DNAH5: variants seen among roughly 807,000 people sequenced by gnomAD.
DNAH5 encodes axonemal beta dynein heavy chain 5.
A neutral mutation model predicts 518.2 loss-of-function variants in DNAH5; 372 were observed. That is an observed-to-expected ratio of 0.72 (90% CI 0.66 to 0.78). The LOEUF (loss-of-function observed/expected upper bound fraction) is 0.78. Among genes scored for constraint, DNAH5 ranks in the 30% least tolerant of loss-of-function variants. DNAH5 has a pLI of 0.00. For missense variants in DNAH5, 5,523 were observed against 5,687.0 expected, an observed-to-expected ratio of 0.97 and a Z score of 0.93; for synonymous variants, 2,039 against 2,025.9, an observed-to-expected ratio of 1.01 and a Z score of -0.17.
At chr5:13,860,293 G>A (rs540371167) in intron 29 of DNAH5, 2 of 152,496 alleles carry the variant, frequency 1.3e-5, no homozygotes, top group East Asian at 3.9e-4. Flanking sequence ...GAATTTCCCA[G>A]CTTCCCTTTG....
At chr5:13,864,268 G>A (rs1344731733) in intron 28 of DNAH5, 129 bp downstream of exon 28, 2 of 1,248,384 alleles carry the variant, frequency 1.6e-6, no homozygotes, top group East Asian at 2.3e-5. Context: ...GAAGGAACTA[G>A]TGGCTGAATG....
intron 65 of DNAH5, among the ~76,000 whole-genome samples, chr5:13,739,276 G>A (rs1001289788): frequency 6.6e-6 from 1 of 152,170 alleles, no homozygotes; most frequent in Non-Finnish European, 1.5e-5. Context: ...TAAAGGTAAT[G>A]GGGTCATGAG....
rs897446820 is a variant in DNAH5 at position 13,964,693 on chromosome 5, T to C, written c.13-33449A>G. Among the ~76,000 whole-genome samples the C allele has an allele frequency of 4.6e-5, 7 of 152,296 alleles. No individual in the cohort carries two copies. The East Asian group carries it at 1.3e-3, about 29-fold the overall frequency. ...ATGGCAGTGGCCATAGGGTTGGAGA[T>C]GAGACAGAACTGACAGAACCTGGTG... On this transcript the variant is annotated intron_variant, in intron 1 of 78. Coordinates refer to the DNAH5 transcript ENST00000681290.
At position 13,941,817 on chromosome 5, in the gene DNAH5, C is replaced by T. The variant is rs115382364; in HGVS notation, c.57+2565G>A. On this transcript the variant is annotated intron_variant, in intron 1 of 78. Coordinates refer to ENST00000265104, the MANE Select transcript of DNAH5 (RefSeq NM_001369.3). ...CACAAAACAGGAACAACACACATTCCGCTGCAGTGGGGAGAAGACTTTTCT... is the reference window on the plus strand; with the variant it reads ...CACAAAACAGGAACAACACACATTCTGCTGCAGTGGGGAGAAGACTTTTCT... Among the ~76,000 whole-genome samples the T allele has an allele frequency of 6.8e-3, 1,032 of 152,294 alleles. 4 individuals are homozygous for T. The highest frequency in any genetic ancestry group is 9.2e-3 in the Non-Finnish European group (626 of 68,018).
intron 1 of DNAH5, among the ~76,000 whole-genome samples, chr5:13,936,827 ACTC>A (rs1411162375): frequency 1.3e-5 from 2 of 152,140 alleles, no homozygotes; most frequent in Admixed American, 1.3e-4. Context: ...ACACAGATCT[ACTC>A]CACTGACCCC....
intron 74 of DNAH5, among the ~76,000 whole-genome samples, 169 bp from the exon 75 acceptor site, chr5:13,714,789 T>TA (rs1277343966): frequency 1.3e-5 from 2 of 152,156 alleles, no homozygotes; most frequent in Admixed American, 6.5e-5. Flanking sequence ...AAATTTCCTT[T>TA]AAAAAAACAA....
intron 1 of DNAH5, among the ~76,000 whole-genome samples, chr5:14,001,156 G>A (rs189716465): frequency 6.9e-4 from 105 of 152,318 alleles, no homozygotes; most frequent in South Asian, 4.1e-3. Flanking sequence ...GAGAGAGAAG[G>A]AGAGGACAAG....
At chr5:13,809,247 A>C in intron 45 of DNAH5, 61 bp from the exon 46 acceptor site, 1 of 1,590,424 alleles carries the variant, frequency 6.3e-7, no homozygotes, top group Non-Finnish European at 8.6e-7. Flanking sequence ...AACTGTAATG[A>C]GCAGACATCC....
intron 78 of DNAH5, among the ~76,000 whole-genome samples, chr5:13,698,029 T>A (rs1741596470): frequency 6.6e-6 from 1 of 152,230 alleles, no homozygotes; most frequent in South Asian, 2.1e-4. Context: ...TGAATTAATG[T>A]CATCATCATG....
At position 13,786,234 on chromosome 5, in the gene DNAH5, C is replaced by G. The variant is rs148539877; in HGVS notation, c.8765G>C (p.Arg2922Pro). 6.2e-7 allele frequency: 1 copy of G among 1,614,062 alleles called. No individual in the cohort carries two copies. Among genetic ancestry groups the G allele is most frequent in the Admixed American group, 1.7e-5 (1 of 59,994 alleles). Residue 2922 changes from arginine (R) to proline (P), a missense_variant, in exon 52 of 79, where the codon CGT (arginine) becomes CCT (proline). Transcript: ENST00000265104. ...GAACACCATGTCCATGCCGGCGCCACGGATGCTCTCATTATAGAGCTGCAG... is the reference window on the plus strand; with the variant it reads ...GAACACCATGTCCATGCCGGCGCCAGGGATGCTCTCATTATAGAGCTGCAG... ...MFLQLYNESIRGAGMDMVFFA... is the reference protein window; with the variant it reads ...MFLQLYNESIPGAGMDMVFFA...
At chr5:13,937,316 G>A (rs1315291596) in intron 1 of DNAH5, among the ~76,000 whole-genome samples, 1 of 150,364 alleles carries the variant, frequency 6.7e-6, no homozygotes, top group Non-Finnish European at 1.5e-5. Flanking sequence ...GTTGTAGATG[G>A]AGACCAGTTA....
In DNAH5 at chr5:13,923,415, T is replaced by C. The variant is rs1777513259; in HGVS notation, c.303A>G (p.Val101=). 1 of 1,614,166 alleles carries C rather than the reference T, an allele frequency of 6.2e-7. No homozygotes were observed. Among genetic ancestry groups the C allele is most frequent in the Non-Finnish European group, 8.5e-7 (1 of 1,179,990 alleles). ...ETGQLGSLGG[V]NLVSGKIKKP... is the part of the protein sequence containing the mutation. ...TTTTAATCTTTCCAGAAACAAGATT[T>C]ACCCCTCCTAGAGAGCCAAGTTGTC... Residue 101 remains valine, a synonymous_variant, in exon 4 of 79, where the codon GTA becomes GTG. Coordinates refer to ENST00000265104, the MANE Select transcript of DNAH5 (RefSeq NM_001369.3).
At chr5:13,733,358 G>T (rs76860401) in intron 68 of DNAH5, among the ~76,000 whole-genome samples, 10 of 152,166 alleles carry the variant, frequency 6.6e-5, no homozygotes, top group Admixed American at 2.6e-4. Flanking sequence ...TCTCTTCAAA[G>T]TTATTTCTAT....
intron 1 of DNAH5, among the ~76,000 whole-genome samples, chr5:13,958,314 G>T (rs1780915125): frequency 1.3e-5 from 2 of 152,100 alleles, no homozygotes; most frequent in Admixed American, 6.5e-5. Flanking sequence ...TGGTAGATGA[G>T]AAATGGTAAG....
At chr5:13,746,134 A>T (rs1399004324) in intron 65 of DNAH5, among the ~76,000 whole-genome samples, 1 of 152,128 alleles carries the variant, frequency 6.6e-6, no homozygotes, top group Non-Finnish European at 1.5e-5. Flanking sequence ...CACTTTTACT[A>T]AGGAAATGAG....
intron 65 of DNAH5, among the ~76,000 whole-genome samples, chr5:13,743,016 T>A (rs1033169791): frequency 2.0e-5 from 3 of 152,120 alleles, no homozygotes; most frequent in African/African-American, 7.2e-5. Context: ...TTCATTTATA[T>A]GGCTGATTTA....
intron 5 of DNAH5, among the ~76,000 whole-genome samples, 155 bp from the exon 6 acceptor site, chr5:13,920,772 C>G (rs563115759): frequency 6.6e-6 from 1 of 152,122 alleles, no homozygotes; most frequent in Non-Finnish European, 1.5e-5. Flanking sequence ...CCTTTGTCCA[C>G]GCTGCCCCCA....
chr5:13,791,570 A>T (rs552674818), intron 50 of DNAH5, among the ~76,000 whole-genome samples: 2 of 152,336 alleles, frequency 1.3e-5, no homozygotes, highest in South Asian at 4.1e-4. Context: ...TGGGTTTTTT[A>T]ATTTTGAATA....
intron 3 of DNAH5, among the ~76,000 whole-genome samples, chr5:13,927,692 G>T (rs1778028223): frequency 6.6e-6 from 1 of 152,126 alleles, no homozygotes; most frequent in South Asian, 2.1e-4. Flanking sequence ...ATGTTAAAAA[G>T]AAATAATGCC....
Sources: gnomAD v4.1 joint callset for allele counts (sites outside exome capture counted in the v4.1 genomes callset) on GRCh38, gnomAD v4.1.1 for gene constraint, MANE v1.5 for transcripts, NCBI Gene and HGNC (gene_info 2026-07-23, HGNC 2026-07-21) for gene names.